The following GLIS3 variants were observed in gnomAD, a reference collection of about 807,000 sequenced individuals.
GLIS3 encodes zinc finger protein GLIS3.
Under a neutral mutation model 78.6 loss-of-function variants are expected in GLIS3, and 53 were observed. That is an observed-to-expected ratio of 0.67 (90% CI 0.54 to 0.85). The LOEUF is 0.85. Ranked by LOEUF, GLIS3 falls within the 40% of genes least tolerant of loss-of-function variation. The probability of loss-of-function intolerance (pLI) is 0.00; values close to 1 mark genes in which losing one functional copy is unlikely to be tolerated. For synonymous variants in GLIS3, 684 were observed against 509.9 expected, an observed-to-expected ratio of 1.34 and a Z score of -4.60; for missense variants, 1,703 against 1,231.1, an observed-to-expected ratio of 1.38 and a Z score of -5.74.
chr9:4,001,743 T>C (rs1211540780), intron 4 of GLIS3, among the ~76,000 whole-genome samples: 2 of 152,236 alleles, frequency 1.3e-5, no homozygotes, highest in African/African-American at 4.8e-5. Context: ...CTTTCAATGA[T>C]GCATTTTGCA....
At chr9:4,241,917 C>G (rs995156858) in intron 2 of GLIS3, among the ~76,000 whole-genome samples, 1 of 152,198 alleles carries the variant, frequency 6.6e-6, no homozygotes, top group African/African-American at 2.4e-5. Flanking sequence ...CTCCTGGCCT[C>G]AAATGATCTG....
chr9:4,471,534 G>C, the GLIS3 span, among the ~76,000 whole-genome samples: 3 of 152,140 alleles, frequency 2.0e-5, no homozygotes, highest in Non-Finnish European at 2.9e-5. Flanking sequence ...AAATGGTGCT[G>C]GGAAAACTGG....
At chr9:4,437,454 AT>A in the GLIS3 span, among the ~76,000 whole-genome samples, 1 of 151,774 alleles carries the variant, frequency 6.6e-6, no homozygotes, top group Non-Finnish European at 1.5e-5. Flanking sequence ...CTATCTATCT[AT>A]CTATCTATCT....
At chr9:4,356,129 C>T in the GLIS3 span, among the ~76,000 whole-genome samples, 7 of 152,180 alleles carry the variant, frequency 4.6e-5, no homozygotes, top group Non-Finnish European at 1.0e-4. Flanking sequence ...CCTTTCTTTT[C>T]CTTGTAATGA....
chr9:3,849,975 G>A (rs968833167), intron 9 of GLIS3, among the ~76,000 whole-genome samples: 2 of 152,072 alleles, frequency 1.3e-5, no homozygotes, highest in African/African-American at 4.8e-5. Context: ...TGGTGCGGTT[G>A]CTGTAACGTG....
chr9:3,865,211 T>C (rs903013917), intron 8 of GLIS3, among the ~76,000 whole-genome samples: 20 of 152,332 alleles, frequency 1.3e-4, no homozygotes, highest in Middle Eastern at 3.4e-3. Flanking sequence ...GTTCATCCAA[T>C]GAACTTTGCC....
chr9:4,450,391 TG>T, the GLIS3 span, among the ~76,000 whole-genome samples: 6 of 152,260 alleles, frequency 3.9e-5, no homozygotes, highest in South Asian at 6.2e-4. Context: ...CTGAAAGTGA[TG>T]GGGAGAATGG....
chr9:4,402,882 T>A, the GLIS3 span, among the ~76,000 whole-genome samples: 264 of 152,086 alleles, frequency 1.7e-3, 1 homozygote, highest in African/African-American at 6.1e-3. Context: ...GAGCTAGAAA[T>A]AGGGGTAGAA....
chr9:3,989,231 T>C (rs12002117), intron 4 of GLIS3, among the ~76,000 whole-genome samples: 2 of 151,984 alleles, frequency 1.3e-5, no homozygotes, highest in Admixed American at 6.6e-5. Flanking sequence ...AGCTAAAAAT[T>C]AAAAAGAGTG....
chr9:4,268,039 ACGTG>A (rs1275372626), intron 2 of GLIS3, among the ~76,000 whole-genome samples: 5 of 152,084 alleles, frequency 3.3e-5, no homozygotes, highest in Non-Finnish European at 5.9e-5. Flanking sequence ...GTGCATACAC[ACGTG>A]CGTGCGTGCG....
At chr9:4,039,844 G>C (rs1824651787) in intron 4 of GLIS3, among the ~76,000 whole-genome samples, 1 of 152,212 alleles carries the variant, frequency 6.6e-6, no homozygotes. Flanking sequence ...ACTCAAGTTA[G>C]AAGCAGATGG....
intron 6 of GLIS3, among the ~76,000 whole-genome samples, chr9:3,905,480 C>T (rs972933812): frequency 6.6e-6 from 1 of 152,102 alleles, no homozygotes; most frequent in Non-Finnish European, 1.5e-5. Flanking sequence ...ACAGAATGGA[C>T]CACTTCTGTT....
At chr9:3,990,185 A>G (rs1820112041) in intron 4 of GLIS3, among the ~76,000 whole-genome samples, 1 of 152,222 alleles carries the variant, frequency 6.6e-6, no homozygotes, top group African/African-American at 2.4e-5. Flanking sequence ...AGCCGAGGGC[A>G]AACTGCTTTT....
chr9:4,486,600 A>G, the GLIS3 span, among the ~76,000 whole-genome samples: 50 of 152,318 alleles, frequency 3.3e-4, no homozygotes, highest in South Asian at 2.1e-4. Context: ...TATACGTTCA[A>G]TACATTGGTA....
Position 4,252,138 on chromosome 9 carries a change from T to G in GLIS3, c.388+33900A>C, listed in dbSNP as rs191588102. The stretch of plus-strand genomic sequence containing the variant: ...GTGGTGTTCTCTGTATTTCCAGAAT[T>G]TGAATGTTGGCCTGTCTTGCTAGGT... On this transcript the variant is annotated intron_variant, in intron 2 of 10. Transcript: ENST00000381971. 1.4e-3 allele frequency among the ~76,000 whole-genome samples: 213 copies of G among 152,314 alleles called. 1 individual carries two copies. Among genetic ancestry groups the G allele is most frequent in the African/African-American group, 4.8e-3 (198 of 41,582 alleles).
chr9:3,824,859 ATC>A lies in GLIS3; in HGVS notation c.*3411_*3412del, dbSNP rs1304528059. ...ATACTTTGCTGTCTGTACAAAATAA[ATC>A]TCTTTTTACACTCACTATTTCTCCA... On this transcript the variant is annotated 3_prime_UTR_variant, in exon 11 of 11. Coordinates refer to ENST00000381971, the MANE Select transcript of GLIS3 (RefSeq NM_001042413.2). 2 of 149,642 alleles carry A rather than the reference ATC, an allele frequency of 1.3e-5. No homozygotes were observed. The highest frequency in any genetic ancestry group is 2.5e-5 in the African/African-American group (1 of 40,368). The allele number at this position is 149,642 out of a possible 1,614,324, so 9.3% of individuals were successfully genotyped here.
chr9:4,286,546 G>T, intron 1 of GLIS3, 23 bp from the exon 2 acceptor site: 2 of 1,223,456 alleles, frequency 1.6e-6, no homozygotes, highest in Non-Finnish European at 2.3e-6. Context: ...ATAAACGCAG[G>T]CATTTTTAAA....
chr9:4,490,212 G>C, the GLIS3 span, among the ~76,000 whole-genome samples: 1 of 152,270 alleles, frequency 6.6e-6, no homozygotes, highest in Admixed American at 6.5e-5. Context: ...CAAAGCCCTA[G>C]CATGAGTGAG....
At chr9:4,484,697 G>C in the GLIS3 span, among the ~76,000 whole-genome samples, 51 of 152,152 alleles carry the variant, frequency 3.4e-4, no homozygotes, top group African/African-American at 1.2e-3. Context: ...GATTATAGGC[G>C]TGAGCCACTG....
Sources: gnomAD v4.1 joint callset for allele counts (sites outside exome capture counted in the v4.1 genomes callset) on GRCh38, gnomAD v4.1.1 for gene constraint, MANE v1.5 for transcripts, NCBI Gene and HGNC (gene_info 2026-07-23, HGNC 2026-07-21) for gene names.